The following RAB38 variants were observed in gnomAD, a reference collection of about 807,000 sequenced individuals.
RAB38 encodes ras-related protein Rab-38.
RAB38 carries 15 observed loss-of-function variants against 18.4 expected under a neutral mutation model. That is an observed-to-expected ratio of 0.82 (90% CI 0.55 to 1.26). The LOEUF (loss-of-function observed/expected upper bound fraction) is 1.26. RAB38 is among the 50% of genes most tolerant of loss of function. RAB38 has a pLI of 0.00. For missense variants in RAB38, 294 were observed against 267.4 expected (o/e 1.10, Z -0.69); for synonymous variants, 101 against 104.4 (o/e 0.97, Z 0.20).
chr11:87,855,784 CA>C, the RAB38 span, among the ~76,000 whole-genome samples: 6 of 151,716 alleles, frequency 4.0e-5, no homozygotes, highest in African/African-American at 1.4e-4. Flanking sequence ...ATTTTTGTAT[CA>C]TTTTTATATT....
chr11:88,124,477 A>G (rs2134784211), intron 2 of RAB38, among the ~76,000 whole-genome samples: 2 of 152,326 alleles, frequency 1.3e-5, no homozygotes, highest in South Asian at 4.1e-4. Flanking sequence ...ATGAACAGAC[A>G]CTTCTCAAAA....
intron 2 of RAB38, among the ~76,000 whole-genome samples, chr11:88,140,839 G>C (rs1464945370): frequency 6.6e-6 from 1 of 152,182 alleles, no homozygotes; most frequent in Non-Finnish European, 1.5e-5. Context: ...TGGTTATATG[G>C]TGTCCAGCTT....
chr11:87,878,406 T>C, the RAB38 span, among the ~76,000 whole-genome samples: 23 of 151,010 alleles, frequency 1.5e-4, 1 homozygote, highest in East Asian at 3.9e-3. Context: ...GTATTTTACT[T>C]GTGAACACCC....
At chr11:87,936,109 T>C in the RAB38 span, among the ~76,000 whole-genome samples, 2 of 152,108 alleles carry the variant, frequency 1.3e-5, no homozygotes, top group African/African-American at 4.8e-5. Flanking sequence ...ATCTTCTCAG[T>C]AGGTTCTTTT....
chr11:88,029,672 A>G, the RAB38 span, among the ~76,000 whole-genome samples: 18 of 152,160 alleles, frequency 1.2e-4, no homozygotes, highest in African/African-American at 2.2e-4. Flanking sequence ...TTCAACAAGA[A>G]GAGGTAACTA....
At chr11:87,812,394 T>C in the RAB38 span, among the ~76,000 whole-genome samples, 2 of 152,216 alleles carry the variant, frequency 1.3e-5, no homozygotes, top group Non-Finnish European at 2.9e-5. Context: ...ATTGGCTCTA[T>C]AAATATACAA....
the RAB38 span, among the ~76,000 whole-genome samples, chr11:87,952,482 TTAACTTCC>T: frequency 1.3e-5 from 2 of 152,200 alleles, no homozygotes; most frequent in Admixed American, 6.5e-5. Context: ...TCCTCCCTGT[TTAACTTCC>T]TATTGCTCCA....
chr11:87,902,245 A>G, the RAB38 span, among the ~76,000 whole-genome samples: 1 of 151,570 alleles, frequency 6.6e-6, no homozygotes, highest in Non-Finnish European at 1.5e-5. Flanking sequence ...TAATAAGGCC[A>G]CCAAACTTTT....
chr11:88,055,835 G>A, the RAB38 span, among the ~76,000 whole-genome samples: 1 of 152,148 alleles, frequency 6.6e-6, no homozygotes, highest in Non-Finnish European at 1.5e-5. Flanking sequence ...CTCAGAGTAG[G>A]AGGCACCGGA....
rs35652775 is a variant in RAB38 at position 88,152,546 on chromosome 11, G to A, written c.203-2591C>T. Among the ~76,000 whole-genome samples, 436 of 152,248 alleles carry A rather than the reference G, an allele frequency of 2.9e-3. 2 individuals carry two copies. The highest frequency in any genetic ancestry group is 9.5e-3 in the African/African-American group (394 of 41,550). ...TTATATGTTCAGGTCACTGAGCCAG[G>A]CCACTTGGAAAGTTTATATTTTTGG... is the stretch of plus-strand genomic sequence containing the variant. On this transcript the variant is annotated intron_variant, in intron 1 of 2. Transcript: ENST00000243662.
At chr11:87,893,983 T>C in the RAB38 span, among the ~76,000 whole-genome samples, 1 of 151,728 alleles carries the variant, frequency 6.6e-6, no homozygotes, top group South Asian at 2.1e-4. Context: ...GCGACTGCAT[T>C]GAACCTGCAG....
the RAB38 span, among the ~76,000 whole-genome samples, chr11:87,930,267 T>G: frequency 6.6e-6 from 1 of 152,210 alleles, no homozygotes; most frequent in Non-Finnish European, 1.5e-5. Context: ...CTAACTGGTG[T>G]GAGATGGTAT....
At chr11:88,043,602 A>ACCCCCCCC in the RAB38 span, among the ~76,000 whole-genome samples, 2 of 114,322 alleles carry the variant, frequency 1.7e-5, no homozygotes, top group Non-Finnish European at 3.5e-5. Context: ...GCACCTTGTG[A>ACCCCCCCC]CCCCCCCACC....
intron 2 of RAB38, among the ~76,000 whole-genome samples, chr11:88,115,057 T>C (rs1208048835): frequency 2.6e-5 from 4 of 152,210 alleles, no homozygotes; most frequent in Admixed American, 2.0e-4. Context: ...ATCTAAAATA[T>C]GTCAGTAGTA....
At chr11:87,856,332 C>CT in the RAB38 span, among the ~76,000 whole-genome samples, 1 of 152,034 alleles carries the variant, frequency 6.6e-6, no homozygotes, top group Non-Finnish European at 1.5e-5. Flanking sequence ...CTATAGGAAT[C>CT]TTTTTTTAAA....
the RAB38 span, among the ~76,000 whole-genome samples, chr11:87,835,214 G>A: frequency 6.6e-6 from 1 of 152,270 alleles, no homozygotes; most frequent in Non-Finnish European, 1.5e-5. Flanking sequence ...CAGAAACCAA[G>A]GGAAGCCAAG....
At chr11:88,120,184 C>T (rs1486761767) in intron 2 of RAB38, among the ~76,000 whole-genome samples, 1 of 152,230 alleles carries the variant, frequency 6.6e-6, no homozygotes, top group African/African-American at 2.4e-5. Flanking sequence ...TGGCATTTCA[C>T]TTAATCACCA....
chr11:87,816,628 T>C, the RAB38 span: 2 of 152,104 alleles, frequency 1.3e-5, no homozygotes, highest in African/African-American at 4.8e-5. Context: ...AAAAACTCTC[T>C]CTATATATAT....
intron 2 of RAB38, 59 bp from the exon 3 acceptor site, chr11:88,114,199 C>A: frequency 6.4e-7 from 1 of 1,561,808 alleles, no homozygotes; most frequent in Non-Finnish European, 8.8e-7. Context: ...AATGCTAGAG[C>A]AGAGACTTAT....
Sources: gnomAD v4.1 joint callset for allele counts (sites outside exome capture counted in the v4.1 genomes callset) on GRCh38, gnomAD v4.1.1 for gene constraint, MANE v1.5 for transcripts, NCBI Gene and HGNC (gene_info 2026-07-23, HGNC 2026-07-21) for gene names.